The following MAP2K1 variants were observed in gnomAD, a reference collection of about 807,000 sequenced individuals.
MAP2K1 encodes mitogen-activated protein kinase kinase 1.
A neutral mutation model predicts 46.3 loss-of-function variants in MAP2K1; 16 were observed. The observed-to-expected ratio is 0.35, with a 90% CI of 0.23 to 0.52. The LOEUF is 0.52. MAP2K1 is among the 20% of genes least tolerant of loss of function. The pLI, the probability that MAP2K1 is intolerant of heterozygous loss-of-function variation, is 0.94. For synonymous variants in MAP2K1, 183 were observed against 185.6 expected, an observed-to-expected ratio of 0.99 and a Z score of 0.11; for missense variants, 263 against 497.1, an observed-to-expected ratio of 0.53 and a Z score of 4.48.
At chr15:66,463,042 C>G (rs1377712881) in intron 5 of MAP2K1, among the ~76,000 whole-genome samples, 1 of 152,156 alleles carries the variant, frequency 6.6e-6, no homozygotes, top group African/African-American at 2.4e-5. Context: ...CAAGTCCATC[C>G]CAGACACAGC....
chr15:66,446,594 G>T, intron 5 of MAP2K1: 2 of 247,488 alleles, frequency 8.1e-6, no homozygotes, highest in South Asian at 4.8e-5. Flanking sequence ...GTGTTGTTTG[G>T]TTTACCACCA....
intron 5 of MAP2K1, among the ~76,000 whole-genome samples, chr15:66,445,461 A>G (rs1254084244): frequency 6.6e-6 from 1 of 152,258 alleles, no homozygotes; most frequent in Non-Finnish European, 1.5e-5. Context: ...TAATAAAGGT[A>G]CACATACACT....
intron 5 of MAP2K1, among the ~76,000 whole-genome samples, chr15:66,445,909 A>G (rs1279855560): frequency 6.6e-6 from 1 of 151,332 alleles, no homozygotes; most frequent in African/African-American, 2.4e-5. Context: ...ACTTCTATGT[A>G]TTGACTTCTC....
intron 1 of MAP2K1, among the ~76,000 whole-genome samples, chr15:66,413,567 C>T (rs755270192): frequency 2.0e-5 from 3 of 152,114 alleles, no homozygotes; most frequent in Non-Finnish European, 4.4e-5. Context: ...TACAAGAATT[C>T]AGCAACCACA....
intron 5 of MAP2K1, among the ~76,000 whole-genome samples, chr15:66,454,895 C>A (rs1296413498): frequency 3.3e-5 from 5 of 150,072 alleles, no homozygotes; most frequent in Admixed American, 6.7e-5. Context: ...AAAAAAAAAA[C>A]AAAAAAAGAA....
At chr15:66,483,652 T>G (rs560697230) in intron 6 of MAP2K1, among the ~76,000 whole-genome samples, 1 of 152,358 alleles carries the variant, frequency 6.6e-6, no homozygotes, top group South Asian at 2.1e-4. Context: ...AAAATAATGC[T>G]TTTGTATAGC....
chr15:66,485,042 TG>T lies in MAP2K1; in HGVS notation c.749del (p.Gly250AspfsTer5), dbSNP rs1372773588. Reference protein sequence around the residue: ...HYSVQSDIWSMGLSLVEMAVG... With the variant: ...HYSVQSDIWSXGLSLVEMAVG... ...TCTGTGCAGTCAGACATCTGGAGCA[TG>T]GGACTGTCTCTGGTAGAGATGGCGG... On this transcript the variant is annotated frameshift_variant, in exon 7 of 11. Coordinates refer to ENST00000307102, the MANE Select transcript of MAP2K1 (RefSeq NM_002755.4). LOFTEE classifies it high-confidence loss of function. The T allele has an allele frequency of 6.2e-7, 1 of 1,613,866 alleles. No homozygotes were observed. The highest frequency in any genetic ancestry group is 1.7e-5 in the Admixed American group (1 of 60,016).
At chr15:66,436,695 C>G (rs527745516) in intron 2 of MAP2K1, 51 bp from the exon 3 acceptor site, 1 of 1,553,872 alleles carries the variant, frequency 6.4e-7, no homozygotes, top group African/African-American at 1.4e-5. Flanking sequence ...TCTTTCATCC[C>G]TTCCTCCCTC....
chr15:66,398,019 T>G (rs1311216697), intron 1 of MAP2K1, among the ~76,000 whole-genome samples: 3 of 151,812 alleles, frequency 2.0e-5, no homozygotes, highest in Admixed American at 6.6e-5. Flanking sequence ...GGAGAATTGC[T>G]TAAATCCAGG....
At chr15:66,479,668 C>G (rs1220381100) in intron 5 of MAP2K1, among the ~76,000 whole-genome samples, 1 of 152,074 alleles carries the variant, frequency 6.6e-6, no homozygotes, top group Non-Finnish European at 1.5e-5. Flanking sequence ...GCATTTAGAA[C>G]CATTCATTCA....
chr15:66,473,731 G>A (rs1892693779), intron 5 of MAP2K1, among the ~76,000 whole-genome samples: 1 of 152,166 alleles, frequency 6.6e-6, no homozygotes, highest in Admixed American at 6.5e-5. Context: ...AGGCTGGAGT[G>A]CAGTGGTGCA....
rs529933159 is a variant in MAP2K1 at position 66,482,999 on chromosome 15, C to A, written c.693+1120C>A. 1.4e-4 allele frequency among the ~76,000 whole-genome samples: 21 copies of A among 152,252 alleles called. No homozygotes were observed. In the South Asian group the frequency reaches 4.1e-3, roughly 30 times the overall value. ...TGTCCCTGGAAGGTCTCATTTGATCCATGTGGTTGTCCCAGGAAATAAAGA... is the reference window on the plus strand; with the variant it reads ...TGTCCCTGGAAGGTCTCATTTGATCAATGTGGTTGTCCCAGGAAATAAAGA... On this transcript the variant is annotated intron_variant, in intron 6 of 10. Transcript: ENST00000307102.
intron 1 of MAP2K1, among the ~76,000 whole-genome samples, chr15:66,404,274 C>T (rs1334522580): frequency 6.6e-6 from 1 of 152,120 alleles, no homozygotes; most frequent in Non-Finnish European, 1.5e-5. Flanking sequence ...ATCACTTGAA[C>T]CAGGGAGGTG....
chr15:66,389,572 GTTTTTTTTTTTTT>G (rs375412152), intron 1 of MAP2K1, among the ~76,000 whole-genome samples: 4 of 86,962 alleles, frequency 4.6e-5, no homozygotes, highest in Admixed American at 2.7e-4. Context: ...CTCTGTTGTG[GTTTTTTTTTTTTT>G]TTTTTTTTTT....
At position 66,420,970 on chromosome 15, in the gene MAP2K1, CACATACAT is replaced by C. The variant is rs138418025; in HGVS notation, c.81-14053_81-14046del. 3.7e-4 allele frequency among the ~76,000 whole-genome samples: 50 copies of C among 136,306 alleles called. 1 individual carries two copies. The highest frequency in any genetic ancestry group is 3.5e-3 in the Middle Eastern group (1 of 286). 89.4% of individuals were successfully genotyped at this position (136,306 alleles called of 152,430 possible). On this transcript the variant is annotated intron_variant, in intron 1 of 10. Transcript: ENST00000307102. ...ATACATACACATACATATATACACACACATACATACACACACATACATACATATATACA... is the reference window on the plus strand; with the variant it reads ...ATACATACACATACATATATACACACACACACACATACATACATATATACA...
At chr15:66,406,856 C>A (rs1336192194) in intron 1 of MAP2K1, among the ~76,000 whole-genome samples, 2 of 152,096 alleles carry the variant, frequency 1.3e-5, no homozygotes, top group Non-Finnish European at 2.9e-5. Context: ...CATGGAGAAA[C>A]CCCATCTCTG....
At chr15:66,472,529 A>G (rs998027118) in intron 5 of MAP2K1, among the ~76,000 whole-genome samples, 1 of 152,126 alleles carries the variant, frequency 6.6e-6, no homozygotes, top group African/African-American at 2.4e-5. Context: ...CACCGTGGCC[A>G]GGTGACAGGG....
At chr15:66,414,568 A>G (rs2093420131) in intron 1 of MAP2K1, among the ~76,000 whole-genome samples, 2 of 152,200 alleles carry the variant, frequency 1.3e-5, no homozygotes, top group African/African-American at 4.8e-5. Context: ...ACAGAGTATT[A>G]TTAACCAGGG....
intron 3 of MAP2K1, among the ~76,000 whole-genome samples, chr15:66,441,803 A>G (rs1051639957): frequency 3.9e-5 from 6 of 151,970 alleles, no homozygotes; most frequent in African/African-American, 1.4e-4. Context: ...TTGATAAATG[A>G]TAGAAGATGA....
Sources: gnomAD v4.1 joint callset for allele counts (sites outside exome capture counted in the v4.1 genomes callset) on GRCh38, gnomAD v4.1.1 for gene constraint, MANE v1.5 for transcripts, NCBI Gene and HGNC (gene_info 2026-07-23, HGNC 2026-07-21) for gene names.